PTDSS2: variants seen among roughly 807,000 people sequenced by gnomAD.
The protein encoded by PTDSS2 is PSS-2.
A neutral mutation model predicts 64.7 loss-of-function variants in PTDSS2; 41 were observed. That is an observed-to-expected ratio of 0.63 (90% confidence interval 0.49 to 0.82). The LOEUF (loss-of-function observed/expected upper bound fraction) is 0.82, where lower values mean the gene tolerates loss of function less well. PTDSS2 is among the 40% of genes least tolerant of loss of function. The pLI is 0.00. For missense variants in PTDSS2, 485 were observed against 650.0 expected, an observed-to-expected ratio of 0.75 and a Z score of 2.76; for synonymous variants, 297 against 277.8, an observed-to-expected ratio of 1.07 and a Z score of -0.69.
Position 479,393 on chromosome 11 carries a change from G to C in PTDSS2, c.435+241G>C, listed in dbSNP as rs1041451662. 1 of 590,230 alleles carries C rather than the reference G, an allele frequency of 1.7e-6. No homozygotes were observed. The highest frequency in any genetic ancestry group is 3.0e-6 in the Non-Finnish European group (1 of 331,368). 36.6% of individuals were successfully genotyped at this position (590,230 alleles called of 1,614,324 possible). A position where few individuals can be genotyped will look rare whatever the true frequency, so the allele number is the denominator to read the frequency against. Reference sequence around the variant, plus strand: ...GCCGAGCTGCGGGGGGCCTCCAGGAGCATCTGCTGGTGGGGCGCTGACTGT... The same window carrying C: ...GCCGAGCTGCGGGGGGCCTCCAGGACCATCTGCTGGTGGGGCGCTGACTGT... On this transcript the variant is annotated intron_variant, in intron 4 of 11. Coordinates refer to ENST00000308020, the MANE Select transcript of PTDSS2 (RefSeq NM_030783.3). The surrounding 1 kb of genome is among the most constrained non-coding windows in gnomAD (Gnocchi z 4.2).
At chr11:477,062 G>A (rs988015343) in intron 3 of PTDSS2, among the ~76,000 whole-genome samples, 18 of 152,214 alleles carry the variant, frequency 1.2e-4, no homozygotes, top group Admixed American at 1.0e-3. Flanking sequence ...GGTGGTCCCT[G>A]TGGGCTCTGC....
chr11:460,227 A>G lies in PTDSS2; in HGVS notation c.223A>G (p.Thr75Ala). The G allele has an allele frequency of 6.2e-7, 1 of 1,614,156 alleles. No individual in the cohort carries two copies. The highest frequency in any genetic ancestry group is 8.5e-7 in the Non-Finnish European group (1 of 1,180,014). Residue 75 changes from threonine (T) to alanine (A), a missense_variant, in exon 2 of 12, where the codon ACG becomes GCG. Physicochemically the swap from Thr to Ala is moderately conservative, Grantham distance 58. Transcript: ENST00000308020. The surrounding 1 kb of genome is among the most constrained non-coding windows in gnomAD (Gnocchi z 5.8). ...AACCGTGCTCTTCATCCTCACCTGTACGCTTGGCTATGTGACGCTGCTGGA... is the reference window on the plus strand; with the variant it reads ...AACCGTGCTCTTCATCCTCACCTGTGCGCTTGGCTATGTGACGCTGCTGGA... ...TLTVLFILTC[T>A]LGYVTLLEET... is the part of the protein sequence containing the mutation.
rs144055685 is a variant in PTDSS2 at position 470,114 on chromosome 11, C to T, written c.285-3781C>T. On this transcript the variant is annotated intron_variant, in intron 2 of 11. Transcript: ENST00000308020. This position sits in a 1 kb window ranked among gnomAD's most constrained non-coding sequence, Gnocchi z 5.3. ...GGCGTGAGCTCCCGGCACCGCTGTG[C>T]GCTGCGCGTGGTGACCTGACCTCCT... is the stretch of plus-strand genomic sequence containing the variant. 4.8e-3 allele frequency among the ~76,000 whole-genome samples: 737 copies of T among 152,288 alleles called. 9 individuals are homozygous for T. Among genetic ancestry groups the T allele is most frequent in the African/African-American group, 0.017 (701 of 41,554 alleles).
At chr11:472,592 C>T (rs992100470) in intron 2 of PTDSS2, among the ~76,000 whole-genome samples, 2 of 152,164 alleles carry the variant, frequency 1.3e-5, no homozygotes, top group African/African-American at 4.8e-5. Context: ...GACCCTTGTC[C>T]CGGCTGCACC....
At chr11:453,134 C>T (rs1297419584) in intron 1 of PTDSS2, among the ~76,000 whole-genome samples, 1 of 152,116 alleles carries the variant, frequency 6.6e-6, no homozygotes, top group African/African-American at 2.4e-5. Flanking sequence ...AGGGATAGGG[C>T]GTGCGGTTCG....
intron 4 of PTDSS2, among the ~76,000 whole-genome samples, chr11:485,406 G>T (rs181141926): frequency 3.5e-5 from 5 of 143,922 alleles, no homozygotes; most frequent in Non-Finnish European, 7.5e-5. Flanking sequence ...GCAGGCGACC[G>T]TAAACAGTGC....
intron 4 of PTDSS2, among the ~76,000 whole-genome samples, chr11:482,084 G>A (rs1468806045): frequency 6.6e-6 from 1 of 151,964 alleles, no homozygotes; most frequent in Non-Finnish European, 1.5e-5. Flanking sequence ...GACCTCAGGT[G>A]ATCCGCCCAC....
chr11:487,912 C>T (rs1005128868), intron 6 of PTDSS2, among the ~76,000 whole-genome samples: 5 of 152,220 alleles, frequency 3.3e-5, no homozygotes, highest in African/African-American at 4.8e-5. Flanking sequence ...AGCCACCCAC[C>T]CCACGCTCAC....
At chr11:477,432 G>T (rs746850950) in intron 3 of PTDSS2, among the ~76,000 whole-genome samples, 16 of 152,178 alleles carry the variant, frequency 1.1e-4, no homozygotes, top group Non-Finnish European at 2.1e-4. Flanking sequence ...TGGGGTCAGG[G>T]AGGTGCTGGA....
At chr11:466,274 C>T (rs1318945586) in intron 2 of PTDSS2, among the ~76,000 whole-genome samples, 1 of 152,090 alleles carries the variant, frequency 6.6e-6, no homozygotes, top group Non-Finnish European at 1.5e-5. Flanking sequence ...CATCGACTCA[C>T]AGTTCCGAAT....
At chr11:471,524 A>G (rs2033336537) in intron 2 of PTDSS2, among the ~76,000 whole-genome samples, 1 of 152,254 alleles carries the variant, frequency 6.6e-6, no homozygotes, top group African/African-American at 2.4e-5. Context: ...GGGCTGCCAC[A>G]AGCTGATTCA....
rs1252882177 is a variant in PTDSS2, at chr11:474,076, C to T, written c.367+99C>T. On this transcript the variant is annotated intron_variant, in intron 3 of 11. Transcript: ENST00000308020. Reference sequence around the variant, plus strand: ...CTGGGTGTGAGTGTCCTGTCCTCCCCTCCGCCTGGCCCCTCCCCGAGGCCT... The same window carrying T: ...CTGGGTGTGAGTGTCCTGTCCTCCCTTCCGCCTGGCCCCTCCCCGAGGCCT... 4.0e-6 allele frequency: 4 copies of T among 1,007,790 alleles called. No homozygotes were observed. The African/African-American group carries it at 6.3e-5, about 16-fold the overall frequency. 62.4% of individuals were successfully genotyped at this position (1,007,790 alleles called of 1,614,324 possible). A position where few individuals can be genotyped will look rare whatever the true frequency, so the allele number is the denominator to read the frequency against.
Position 470,179 on chromosome 11 carries a change from C to T in PTDSS2, c.285-3716C>T, listed in dbSNP as rs1450829133. The stretch of plus-strand genomic sequence containing the variant: ...CACGGAGAGGGCAGTGGGAGGAGGA[C>T]GCTGCAGCCGAGGTGCCCGCAGACA... On this transcript the variant is annotated intron_variant, in intron 2 of 11. Coordinates refer to ENST00000308020, the MANE Select transcript of PTDSS2 (RefSeq NM_030783.3). The surrounding 1 kb of genome is among the most constrained non-coding windows in gnomAD (Gnocchi z 5.3). Among the ~76,000 whole-genome samples the T allele has an allele frequency of 3.9e-5, 6 of 152,324 alleles. No individual in the cohort carries two copies. The East Asian group carries it at 9.7e-4, about 25-fold the overall frequency.
intron 1 of PTDSS2, among the ~76,000 whole-genome samples, chr11:457,397 T>C (rs1846647287): frequency 6.6e-6 from 1 of 152,250 alleles, no homozygotes; most frequent in Admixed American, 6.5e-5. Context: ...GGAGGTTTCT[T>C]TTGTGCCTGG....
At position 488,416 on chromosome 11, in the gene PTDSS2, G is replaced by C. The variant is rs908525443; in HGVS notation, c.735+104G>C. On this transcript the variant is annotated intron_variant, in intron 7 of 11. Transcript: ENST00000308020. ...CTGGACCCCCTCATTCTCCCCGGGG[G>C]GCAGTGGGTGCAGGCTGAGGGGCAT... 39 of 1,317,842 alleles carry C rather than the reference G, an allele frequency of 3.0e-5. No individual in the cohort carries two copies. The East Asian group carries it at 5.3e-4, about 18-fold the overall frequency. The allele number at this position is 1,317,842 out of a possible 1,614,324, so 81.6% of individuals were successfully genotyped here.
At position 490,826 on chromosome 11, in the gene PTDSS2, G is replaced by A. The variant is rs1848652087; in HGVS notation, c.*244G>A. The A allele has an allele frequency of 1.8e-6, 1 of 559,964 alleles. No homozygotes were observed. Among genetic ancestry groups the A allele is most frequent in the Admixed American group, 3.3e-5 (1 of 30,244 alleles). 34.7% of individuals were successfully genotyped at this position (559,964 alleles called of 1,614,324 possible). A position where few individuals can be genotyped will look rare whatever the true frequency, so the allele number is the denominator to read the frequency against. Reference sequence around the variant, plus strand: ...CGTGTGTACGCGCGTGTGTACACATGCGTGGCCGCCTGTGGTGTGCACGTG... The same window carrying A: ...CGTGTGTACGCGCGTGTGTACACATACGTGGCCGCCTGTGGTGTGCACGTG... On this transcript the variant is annotated 3_prime_UTR_variant, in exon 12 of 12. Coordinates refer to ENST00000308020, the MANE Select transcript of PTDSS2 (RefSeq NM_030783.3).
rs547940667 is a variant in PTDSS2, at chr11:461,219, C to T, written c.284+931C>T. ...TGTAAAGCAAGAGTCTCGCTATCTT[C>T]GTGACTGTTGGGTGGGGTGATGGGT... On this transcript the variant is annotated intron_variant, in intron 2 of 11. Coordinates refer to ENST00000308020, the MANE Select transcript of PTDSS2 (RefSeq NM_030783.3). The surrounding 1 kb of genome is among the most constrained non-coding windows in gnomAD (Gnocchi z 4.2). Among the ~76,000 whole-genome samples, 1 of 152,172 alleles carries T rather than the reference C, an allele frequency of 6.6e-6. No individual in the cohort carries two copies. The highest frequency in any genetic ancestry group is 2.4e-5 in the African/African-American group (1 of 41,550).
At chr11:450,210 C>T (rs918290701), upstream of PTDSS2, 2 of 357,932 alleles carry the variant, frequency 5.6e-6, no homozygotes, top group African/African-American at 2.1e-5. Flanking sequence ...TCCTTCCCAG[C>T]AAGCACTGCG....
At chr11:454,787 T>C (rs1846512181) in intron 1 of PTDSS2, among the ~76,000 whole-genome samples, 1 of 152,134 alleles carries the variant, frequency 6.6e-6, no homozygotes, top group Admixed American at 6.6e-5. Flanking sequence ...AGACTCCATC[T>C]CAAAAAGAAA....
Sources: gnomAD v4.1 joint callset for allele counts (sites outside exome capture counted in the v4.1 genomes callset) on GRCh38, gnomAD v4.1.1 for gene constraint, Gnocchi (gnomAD v3.1) non-coding constraint, MANE v1.5 for transcripts, NCBI Gene and HGNC (gene_info 2026-07-23, HGNC 2026-07-21) for gene names.